The following DMRT1 variants were observed in gnomAD, a reference collection of about 807,000 sequenced individuals.
The protein encoded by DMRT1 is doublesex and mab-3 related transcription factor 1.
Under a neutral mutation model 32.3 loss-of-function variants are expected in DMRT1, and 7 were observed. The observed-to-expected ratio is 0.22, with a 90% CI of 0.12 to 0.41. The LOEUF (loss-of-function observed/expected upper bound fraction) is 0.41. Ranked by LOEUF, DMRT1 falls within the 10% of genes least tolerant of loss-of-function variation. DMRT1 has a pLI of 1.00. For missense variants in DMRT1, 625 were observed against 500.5 expected, an observed-to-expected ratio of 1.25 and a Z score of -2.37; for synonymous variants, 278 against 206.1, an observed-to-expected ratio of 1.35 and a Z score of -2.99.
Position 965,236 on chromosome 9 carries a change from C to T in DMRT1, c.968-2749C>T, listed in dbSNP as rs1363394105. Among the ~76,000 whole-genome samples, 1 of 152,132 alleles carries T rather than the reference C, an allele frequency of 6.6e-6. No homozygotes were observed. The highest frequency in any genetic ancestry group is 2.4e-5 in the African/African-American group (1 of 41,422). On this transcript the variant is annotated intron_variant, in intron 4 of 4. Coordinates refer to ENST00000382276, the MANE Select transcript of DMRT1 (RefSeq NM_021951.3). The surrounding 1 kb of genome is among the most constrained non-coding windows in gnomAD (Gnocchi z 4.5). ...GGGCTATACTTAAACAGATACTATCCCTAACTTCAACAGCCTATTATTTAA... is the reference window on the plus strand; with the variant it reads ...GGGCTATACTTAAACAGATACTATCTCTAACTTCAACAGCCTATTATTTAA...
intron 2 of DMRT1, among the ~76,000 whole-genome samples, chr9:857,380 TCTTA>T (rs1439700647): frequency 2.0e-5 from 3 of 152,184 alleles, no homozygotes; most frequent in East Asian, 1.9e-4. Flanking sequence ...AACGTTCCTT[TCTTA>T]CTTGTCACAG....
At chr9:848,339 A>G (rs1838992351) in intron 2 of DMRT1, among the ~76,000 whole-genome samples, 1 of 152,168 alleles carries the variant, frequency 6.6e-6, no homozygotes, top group South Asian at 2.1e-4. Flanking sequence ...AATCTTGGCC[A>G]TTATTAAAAA....
intron 2 of DMRT1, among the ~76,000 whole-genome samples, chr9:889,681 A>T (rs1466823256): frequency 1.3e-5 from 2 of 152,250 alleles, no homozygotes; most frequent in South Asian, 2.1e-4. Context: ...GATTAAGGTC[A>T]TGCTGCAGAA....
intron 2 of DMRT1, among the ~76,000 whole-genome samples, chr9:860,204 G>A (rs1815594280): frequency 6.6e-6 from 1 of 152,198 alleles, no homozygotes; most frequent in African/African-American, 2.4e-5. Context: ...GGCTGGGGCA[G>A]GAGAATGGCT....
intron 2 of DMRT1, among the ~76,000 whole-genome samples, chr9:858,920 T>A (rs1326741053): frequency 6.6e-6 from 1 of 151,146 alleles, no homozygotes; most frequent in Non-Finnish European, 1.5e-5. Context: ...TTTTTAAGCA[T>A]AGAGTTCAGT....
chr9:908,165 G>C (rs183250754), intron 3 of DMRT1, among the ~76,000 whole-genome samples: 1 of 152,172 alleles, frequency 6.6e-6, no homozygotes, highest in East Asian at 1.9e-4. Flanking sequence ...ATTCAGGATT[G>C]TTGTGGGCTG....
At chr9:918,087 T>G (rs1818239931) in intron 4 of DMRT1, among the ~76,000 whole-genome samples, 1 of 152,242 alleles carries the variant, frequency 6.6e-6, no homozygotes, top group Non-Finnish European at 1.5e-5. Context: ...AAACAACACA[T>G]TTTCTATACT....
chr9:958,180 T>C (rs1282748826), intron 4 of DMRT1, among the ~76,000 whole-genome samples: 1 of 152,198 alleles, frequency 6.6e-6, no homozygotes, highest in African/African-American at 2.4e-5. Context: ...TAGTTGCTTT[T>C]TGAAGAATAT....
At chr9:922,001 C>T (rs749042115) in intron 4 of DMRT1, among the ~76,000 whole-genome samples, 9 of 152,198 alleles carry the variant, frequency 5.9e-5, no homozygotes, top group Non-Finnish European at 1.3e-4. Flanking sequence ...CCACCTCAGC[C>T]TCCCGGGTAG....
rs533385636 is a variant in DMRT1 at position 888,058 on chromosome 9, C to T, written c.539-5854C>T. On this transcript the variant is annotated intron_variant, in intron 2 of 4. Coordinates refer to ENST00000382276, the MANE Select transcript of DMRT1 (RefSeq NM_021951.3). ...TTCTGAAGAATATTAAATTTTGACT[C>T]TGCAATGTTTTGTATCTAACTGAAT... Among the ~76,000 whole-genome samples the T allele has an allele frequency of 2.6e-5, 4 of 152,272 alleles. No individual in the cohort carries two copies. In the South Asian group the frequency reaches 8.3e-4, roughly 32 times the overall value.
chr9:896,202 A>G (rs1364459076), intron 3 of DMRT1, among the ~76,000 whole-genome samples: 1 of 151,174 alleles, frequency 6.6e-6, no homozygotes, highest in Non-Finnish European at 1.5e-5. Flanking sequence ...ATTGACCAGT[A>G]GATATTTGTC....
intron 2 of DMRT1, among the ~76,000 whole-genome samples, chr9:856,142 C>A (rs1815390194): frequency 6.6e-6 from 1 of 152,086 alleles, no homozygotes; most frequent in Admixed American, 6.6e-5. Context: ...GTCTCGAATT[C>A]CTGACCTCAA....
chr9:959,969 G>A (rs748510124), intron 4 of DMRT1, among the ~76,000 whole-genome samples: 4 of 152,232 alleles, frequency 2.6e-5, no homozygotes, highest in Non-Finnish European at 5.9e-5. Context: ...CCCACTATGT[G>A]CTCTGCACTG....
intron 4 of DMRT1, among the ~76,000 whole-genome samples, chr9:946,242 G>A (rs971996469): frequency 3.3e-5 from 5 of 151,786 alleles, no homozygotes; most frequent in African/African-American, 9.7e-5. Context: ...ATTGAATACT[G>A]CCAAATTAAC....
At chr9:872,250 A>G (rs1297644983) in intron 2 of DMRT1, among the ~76,000 whole-genome samples, 1 of 151,632 alleles carries the variant, frequency 6.6e-6, no homozygotes, top group African/African-American at 2.4e-5. Flanking sequence ...TTTAGTAGAG[A>G]TAGGGTTTCA....
chr9:899,292 A>G (rs577329958), intron 3 of DMRT1, among the ~76,000 whole-genome samples: 83 of 152,230 alleles, frequency 5.5e-4, no homozygotes, highest in African/African-American at 1.9e-3. Flanking sequence ...TTTTAAAGCT[A>G]GAAGGAATTC....
At chr9:842,230 GTTT>G (rs780064237) in intron 1 of DMRT1, 38 bp downstream of exon 1, 16,717 of 1,249,106 alleles carry the variant, frequency 0.013, no homozygotes, top group East Asian at 0.053. Flanking sequence ...TTCAGCCTTA[GTTT>G]TTTTTTTTTT....
At chr9:898,974 G>C (rs1021844707) in intron 3 of DMRT1, among the ~76,000 whole-genome samples, 1 of 152,064 alleles carries the variant, frequency 6.6e-6, no homozygotes, top group Non-Finnish European at 1.5e-5. Context: ...TTTCAGTAAA[G>C]AAATCTTTCA....
intron 2 of DMRT1, among the ~76,000 whole-genome samples, chr9:879,645 T>A (rs1462457756): frequency 2.0e-5 from 3 of 152,246 alleles, no homozygotes; most frequent in African/African-American, 7.2e-5. Context: ...AGATTAGTTG[T>A]GATGTGGAAA....
Sources: gnomAD v4.1 joint callset for allele counts (sites outside exome capture counted in the v4.1 genomes callset) on GRCh38, gnomAD v4.1.1 for gene constraint, Gnocchi (gnomAD v3.1) non-coding constraint, MANE v1.5 for transcripts, NCBI Gene and HGNC (gene_info 2026-07-23, HGNC 2026-07-21) for gene names.